The following MAML3 variants were observed in gnomAD, a reference collection of about 807,000 sequenced individuals.
The protein encoded by MAML3 is mastermind like transcriptional coactivator 3, also known as mastermind-like protein 3.
A neutral mutation model predicts 101.9 loss-of-function variants in MAML3; 27 were observed. That is an observed-to-expected ratio of 0.27 (90% confidence interval 0.20 to 0.37). MAML3 has a LOEUF of 0.37. Ranked by LOEUF, MAML3 falls within the 10% of genes least tolerant of loss-of-function variation. The pLI, the probability that MAML3 is intolerant of heterozygous loss-of-function variation, is 1.00. For missense variants in MAML3, 1,316 were observed against 1,444.9 expected (o/e 0.91, Z 1.45); for synonymous variants, 501 against 555.9 (o/e 0.90, Z 1.39).
intron 1 of MAML3, among the ~76,000 whole-genome samples, chr4:140,000,451 T>C (rs1007711066): frequency 1.3e-5 from 2 of 152,060 alleles, no homozygotes; most frequent in African/African-American, 4.8e-5. Flanking sequence ...CAATACTAGC[T>C]CCTTAAAGGC....
chr4:140,111,914 TTC>T (rs1250250024), intron 1 of MAML3, among the ~76,000 whole-genome samples: 1 of 152,194 alleles, frequency 6.6e-6, no homozygotes, highest in Non-Finnish European at 1.5e-5. Context: ...TCCTCAGTAG[TTC>T]TTTGTCTTCT....
At chr4:140,080,033 A>T (rs919810716) in intron 1 of MAML3, among the ~76,000 whole-genome samples, 2 of 152,244 alleles carry the variant, frequency 1.3e-5, no homozygotes, top group Admixed American at 1.3e-4. Context: ...ATGTATTAAT[A>T]AAAAATACGA....
In MAML3 at chr4:140,153,445, A is replaced by T; in HGVS notation, c.-118T>A. 21 of 999,808 alleles carry T rather than the reference A, an allele frequency of 2.1e-5. No homozygotes were observed. Among genetic ancestry groups the T allele is most frequent in the East Asian group, 1.3e-4 (3 of 22,570 alleles). 61.9% of individuals were successfully genotyped at this position (999,808 alleles called of 1,614,324 possible). Reference sequence around the variant, plus strand: ...TGGAACGCGGGGGAGACGCAAGCACATGGATGGAAACGGCGATCCCGACGG... The same window carrying T: ...TGGAACGCGGGGGAGACGCAAGCACTTGGATGGAAACGGCGATCCCGACGG... On this transcript the variant is annotated 5_prime_UTR_variant, in exon 1 of 5. An upstream start codon of the reference 5' UTR is lost. Coordinates refer to ENST00000509479, the MANE Select transcript of MAML3 (RefSeq NM_018717.5).
chr4:140,059,451 G>A (rs1727406861), intron 1 of MAML3, among the ~76,000 whole-genome samples: 1 of 152,176 alleles, frequency 6.6e-6, no homozygotes, highest in African/African-American at 2.4e-5. Flanking sequence ...CAGTTCCTAA[G>A]GAATGTGCTC....
intron 1 of MAML3, among the ~76,000 whole-genome samples, chr4:140,091,537 C>CAAAACAA (rs1728048886): frequency 8.4e-5 from 6 of 71,598 alleles, no homozygotes; most frequent in Admixed American, 3.5e-4. Flanking sequence ...AACAACAAAA[C>CAAAACAA]AAAAACAAAA....
chr4:139,995,434 T>A (rs1003218921), intron 1 of MAML3, among the ~76,000 whole-genome samples: 2 of 152,192 alleles, frequency 1.3e-5, no homozygotes, highest in African/African-American at 4.8e-5. Flanking sequence ...TTTATATATA[T>A]ATGATGCAAT....
chr4:139,995,664 G>C (rs1459909796), intron 1 of MAML3, among the ~76,000 whole-genome samples: 1 of 151,968 alleles, frequency 6.6e-6, no homozygotes, highest in Non-Finnish European at 1.5e-5. Context: ...AATTCTGTTG[G>C]GTCAGTAGTA....
intron 1 of MAML3, among the ~76,000 whole-genome samples, chr4:140,097,024 G>C (rs536874367): frequency 6.6e-6 from 1 of 151,908 alleles, no homozygotes; most frequent in Admixed American, 6.6e-5. Context: ...AAGTAGCCAC[G>C]GCACAGGCCT....
intron 2 of MAML3, among the ~76,000 whole-genome samples, chr4:139,854,941 CG>C (rs1392998025): frequency 6.6e-6 from 1 of 152,192 alleles, no homozygotes; most frequent in Non-Finnish European, 1.5e-5. Flanking sequence ...CTCAACTCCC[CG>C]CCACAGCCTC....
intron 1 of MAML3, among the ~76,000 whole-genome samples, chr4:140,053,338 C>G (rs80071457): frequency 0.01 from 1,545 of 152,244 alleles, 7 homozygotes; most frequent in Non-Finnish European, 0.014. Context: ...CTCAGCATGC[C>G]CCTCGGACCA....
At chr4:139,965,973 A>G (rs1439335453) in intron 1 of MAML3, among the ~76,000 whole-genome samples, 1 of 152,212 alleles carries the variant, frequency 6.6e-6, no homozygotes, top group Non-Finnish European at 1.5e-5. Context: ...CTATCTGGCC[A>G]AGTAATATAA....
At chr4:139,858,848 A>T (rs1452385843) in intron 2 of MAML3, among the ~76,000 whole-genome samples, 1 of 152,234 alleles carries the variant, frequency 6.6e-6, no homozygotes, top group African/African-American at 2.4e-5. Flanking sequence ...GTGGACACTG[A>T]GAAATTTAGA....
intron 1 of MAML3, among the ~76,000 whole-genome samples, chr4:140,141,384 A>G (rs2111054254): frequency 6.6e-6 from 1 of 152,326 alleles, no homozygotes. Flanking sequence ...TGTTACACAG[A>G]TGACTGGATT....
intron 2 of MAML3, among the ~76,000 whole-genome samples, chr4:139,852,231 T>C (rs573410965): frequency 6.6e-6 from 1 of 152,078 alleles, no homozygotes; most frequent in East Asian, 1.9e-4. Flanking sequence ...ATAGCAATTT[T>C]GGGGGTAAGT....
chr4:139,802,308 T>A (rs1730624020), intron 2 of MAML3, among the ~76,000 whole-genome samples: 1 of 152,172 alleles, frequency 6.6e-6, no homozygotes, highest in African/African-American at 2.4e-5. Flanking sequence ...CCCCGCAGTG[T>A]CTGGCTGCAG....
chr4:140,096,587 T>C (rs1231996401), intron 1 of MAML3, among the ~76,000 whole-genome samples: 1 of 152,100 alleles, frequency 6.6e-6, no homozygotes, highest in Non-Finnish European at 1.5e-5. Context: ...GCAAGTTATT[T>C]GATGTAAAAT....
intron 1 of MAML3, among the ~76,000 whole-genome samples, chr4:140,136,480 AG>A (rs1728884592): frequency 6.6e-6 from 1 of 152,242 alleles, no homozygotes; most frequent in Non-Finnish European, 1.5e-5. Context: ...TGTTTATCTC[AG>A]ATGACATGAA....
chr4:139,801,132 G>A (rs568912645), intron 2 of MAML3, among the ~76,000 whole-genome samples: 1 of 152,136 alleles, frequency 6.6e-6, no homozygotes, highest in Non-Finnish European at 1.5e-5. Context: ...CAGTTTCAAT[G>A]GCAAAAGCCA....
At chr4:139,928,161 C>T (rs947892459) in intron 1 of MAML3, among the ~76,000 whole-genome samples, 16 of 152,206 alleles carry the variant, frequency 1.1e-4, no homozygotes, top group South Asian at 2.1e-4. Context: ...TGGCCTTCTC[C>T]TTTCTGTATC....
Sources: allele counts gnomAD v4.1 joint callset (sites outside exome capture counted in the v4.1 genomes callset), GRCh38; gene constraint gnomAD v4.1.1; transcripts MANE v1.5; gene names NCBI Gene and HGNC (gene_info 2026-07-23, HGNC 2026-07-21).